ISM1: variants seen among roughly 807,000 people sequenced by gnomAD.
ISM1 encodes the protein isthmin-1.
In ISM1, 25 loss-of-function variants were observed where a neutral mutation model predicts 46.3. That is an observed-to-expected ratio of 0.54 (90% CI 0.39 to 0.75). ISM1 has a LOEUF of 0.75. Among genes scored for constraint, ISM1 ranks in the 30% least tolerant of loss-of-function variants. The probability of loss-of-function intolerance (pLI) is 0.00; values close to 1 mark genes in which losing one functional copy is unlikely to be tolerated. For missense variants in ISM1, 536 were observed against 625.4 expected (o/e 0.86, Z 1.52); for synonymous variants, 255 against 256.7 (o/e 0.99, Z 0.06).
At chr20:13,304,680 G>A (rs2040486347), downstream of ISM1, among the ~76,000 whole-genome samples, 2 of 152,106 alleles carry the variant, frequency 1.3e-5, no homozygotes, top group Non-Finnish European at 2.9e-5. Context: ...GTGATCTTGG[G>A]GGAATCAGTA....
intron 5 of ISM1, among the ~76,000 whole-genome samples, chr20:13,296,230 A>AC (rs2040405650): frequency 6.6e-6 from 1 of 151,884 alleles, no homozygotes; most frequent in African/African-American, 2.4e-5. Context: ...CCAACTGGCA[A>AC]CCCCTCTGTG....
chr20:13,228,298 T>C (rs2039551467), intron 1 of ISM1, among the ~76,000 whole-genome samples: 1 of 152,144 alleles, frequency 6.6e-6, no homozygotes, highest in Non-Finnish European at 1.5e-5. Context: ...AATCTCATAC[T>C]TTCATCTTTT....
the ISM1 span, among the ~76,000 whole-genome samples, chr20:13,317,570 T>A: frequency 6.6e-6 from 1 of 152,052 alleles, no homozygotes; most frequent in Admixed American, 6.5e-5. Flanking sequence ...ATCAAGACAG[T>A]GTAGTACTGA....
the ISM1 span, among the ~76,000 whole-genome samples, chr20:13,306,462 C>T: frequency 2.0e-5 from 3 of 146,766 alleles, no homozygotes; most frequent in Non-Finnish European, 4.4e-5. Context: ...TAGTTATACC[C>T]TTCTTTATTT....
chr20:13,286,668 G>A (rs1026120092), intron 3 of ISM1, among the ~76,000 whole-genome samples: 5 of 152,188 alleles, frequency 3.3e-5, no homozygotes, highest in Admixed American at 2.6e-4. Context: ...CCACCACCCC[G>A]CTCCTCCAAT....
the ISM1 span, among the ~76,000 whole-genome samples, chr20:13,320,621 A>C: frequency 2.0e-5 from 3 of 152,306 alleles, no homozygotes; most frequent in African/African-American, 7.2e-5. Flanking sequence ...AATAAGGTAG[A>C]AGCTTATTGC....
chr20:13,223,762 A>G (rs992881607), intron 1 of ISM1, among the ~76,000 whole-genome samples: 5 of 152,196 alleles, frequency 3.3e-5, no homozygotes. Flanking sequence ...GGCACCCACC[A>G]ATCTAACACT....
chr20:13,268,114 G>GTCTTCTCTTCTCTTCTCTTC (rs766774336), intron 1 of ISM1, among the ~76,000 whole-genome samples: 14,841 of 139,714 alleles, frequency 0.11, 1,268 homozygotes, highest in East Asian at 0.26. Context: ...CTCCTCTCCT[G>GTCTTCTCTTCTCTTCTCTTC]TCTTCTCTTC....
chr20:13,254,265 T>C (rs1394164525), intron 1 of ISM1, among the ~76,000 whole-genome samples: 1 of 150,832 alleles, frequency 6.6e-6, no homozygotes, highest in East Asian at 1.9e-4. Context: ...AAAGCAAATG[T>C]GTATTTATAT....
At chr20:13,260,453 G>C (rs1479326430) in intron 1 of ISM1, among the ~76,000 whole-genome samples, 1 of 152,194 alleles carries the variant, frequency 6.6e-6, no homozygotes, top group Non-Finnish European at 1.5e-5. Context: ...ACCCAGCTTT[G>C]AGCTAACAGG....
chr20:13,258,218 C>A lies in ISM1; in HGVS notation c.139-12286C>A, dbSNP rs1354750821. ...GATCTGCATGTATTACATCAACAGGCTCCCTTGCTGTCTAGCTTCTGATTG... is the reference window on the plus strand; with the variant it reads ...GATCTGCATGTATTACATCAACAGGATCCCTTGCTGTCTAGCTTCTGATTG... On this transcript the variant is annotated intron_variant, in intron 1 of 5. Transcript: ENST00000262487. Among the ~76,000 whole-genome samples the A allele has an allele frequency of 1.6e-4, 24 of 152,276 alleles. No individual in the cohort carries two copies. In the Middle Eastern group the frequency reaches 0.014, roughly 86 times the overall value.
Position 13,292,287 on chromosome 20 carries a change from C to A in ISM1, c.788-87C>A, listed in dbSNP as rs975115457. 46 of 800,240 alleles carry A rather than the reference C, an allele frequency of 5.7e-5. No homozygotes were observed. In the South Asian group the frequency reaches 7.0e-4, roughly 12 times the overall value. The allele number at this position is 800,240 out of a possible 1,614,324, so 49.6% of individuals were successfully genotyped here. ...TAATGAATACAAAAAAGGCTTTGTT[C>A]AGGTGTATTTATTTTTTTATTGTTG... On this transcript the variant is annotated intron_variant, in intron 4 of 5. Transcript: ENST00000262487.
Position 13,299,502 on chromosome 20 carries a change from GCACA to G in ISM1, c.*47_*50del. 3.2e-6 allele frequency: 5 copies of G among 1,550,106 alleles called. No homozygotes were observed. Among genetic ancestry groups the G allele is most frequent in the Non-Finnish European group, 3.5e-6 (4 of 1,146,998 alleles). ...GGAGGACGCTGCCTCTGGTTCTGGA[GCACA>G]CACGTGCTGCACTGACGTGCCGACT... On this transcript the variant is annotated 3_prime_UTR_variant, in exon 6 of 6. Transcript: ENST00000262487. The surrounding 1 kb of genome is among the most constrained non-coding windows in gnomAD (Gnocchi z 5.8).
chr20:13,297,513 TTCACTAAACCTGAGAC>T, intron 5 of ISM1, among the ~76,000 whole-genome samples: 1 of 152,310 alleles, frequency 6.6e-6, no homozygotes, highest in East Asian at 1.9e-4. Flanking sequence ...AACTAAGACA[TTCACTAAACCTGAGAC>T]TCACTAAACC....
chr20:13,313,523 A>G, the ISM1 span, among the ~76,000 whole-genome samples: 356 of 152,198 alleles, frequency 2.3e-3, 1 homozygote, highest in Middle Eastern at 0.017. Context: ...CTTCCACCAC[A>G]CAGCAGGGCT....
intron 3 of ISM1, among the ~76,000 whole-genome samples, chr20:13,281,183 A>G (rs1470528583): frequency 6.6e-6 from 1 of 152,224 alleles, no homozygotes; most frequent in African/African-American, 2.4e-5. Context: ...TGGGTACAAA[A>G]ATGAGCAAGG....
intron 2 of ISM1, among the ~76,000 whole-genome samples, chr20:13,278,821 T>A (rs2040208083): frequency 2.0e-5 from 3 of 152,208 alleles, no homozygotes; most frequent in African/African-American, 4.8e-5. Context: ...CCTACTCACA[T>A]GACTGAGGCC....
the ISM1 span, among the ~76,000 whole-genome samples, chr20:13,313,255 G>T: frequency 6.6e-6 from 1 of 152,120 alleles, no homozygotes; most frequent in Non-Finnish European, 1.5e-5. Flanking sequence ...CCCCCCACAC[G>T]CACCTGTTAA....
chr20:13,301,655 C>T (rs1312082096), downstream of ISM1, among the ~76,000 whole-genome samples: 6 of 151,970 alleles, frequency 3.9e-5, no homozygotes, highest in African/African-American at 7.2e-5. Context: ...TCAATGCGTC[C>T]GTGTATCAGG....
Sources: gnomAD v4.1 joint callset for allele counts (sites outside exome capture counted in the v4.1 genomes callset) on GRCh38, gnomAD v4.1.1 for gene constraint, Gnocchi (gnomAD v3.1) non-coding constraint, MANE v1.5 for transcripts, NCBI Gene and HGNC (gene_info 2026-07-23, HGNC 2026-07-21) for gene names.